Variants in DNAH12 observed in about 807,000 individuals in gnomAD.
The protein encoded by DNAH12 is axonemal beta dynein heavy chain 12.
DNAH12 carries 285 observed loss-of-function variants against 371.5 expected under a neutral mutation model. That is an observed-to-expected ratio of 0.77 (90% CI 0.70 to 0.85). The LOEUF is 0.85. Ranked by LOEUF, DNAH12 falls within the 40% of genes least tolerant of loss-of-function variation. The pLI, the probability that DNAH12 is intolerant of heterozygous loss-of-function variation, is 0.00. For synonymous variants in DNAH12, 1,200 were observed against 1,213.0 expected (o/e 0.99, Z 0.22); for missense variants, 3,611 against 3,689.4 (o/e 0.98, Z 0.55).
chr3:57,457,335 C>G (rs1438427548), intron 22 of DNAH12, among the ~76,000 whole-genome samples: 2 of 151,840 alleles, frequency 1.3e-5, no homozygotes, highest in Non-Finnish European at 2.9e-5. Context: ...TCTCCCAAAT[C>G]CCCAGTTCTC....
intron 2 of DNAH12, among the ~76,000 whole-genome samples, chr3:57,524,642 G>A (rs554357113): frequency 3.6e-4 from 54 of 151,960 alleles, no homozygotes; most frequent in Non-Finnish European, 6.5e-4. Context: ...TTCAGAGAGG[G>A]GACAAGTTAG....
At position 57,384,933 on chromosome 3, in the gene DNAH12, C is replaced by G. The variant is rs2063471774; in HGVS notation, c.7756G>C (p.Gly2586Arg). The change falls in exon 49 of 74, where the codon GGG becomes CGG. Residue 2586 changes from glycine to arginine, a missense_variant. Gly to Arg is a moderately radical substitution (Grantham distance 125, BLOSUM62 -2). Around this residue, in one of 3 missense-constraint regions of DNAH12, gnomAD observed 2,266 missense variants for 2,236.9 expected, o/e 1.01. Transcript: ENST00000495027. ...AGAGCTTGGGCTTCTTCAGCTTTCC[C>G]ACTGGCTATCTCTTCATCCAATTTC... ...FVKLDEEIAS[G>R]KAEEAQALKN... The G allele has an allele frequency of 6.6e-6, 1 of 152,206 alleles. No individual in the cohort carries two copies. The highest frequency in any genetic ancestry group is 2.4e-5 in the African/African-American group (1 of 41,438). The allele number at this position is 152,206 out of a possible 1,614,324, so 9.4% of individuals were successfully genotyped here.
At chr3:57,339,166 T>C (rs1553655190) in intron 60 of DNAH12, among the ~76,000 whole-genome samples, 1 of 152,154 alleles carries the variant, frequency 6.6e-6, no homozygotes, top group African/African-American at 2.4e-5. Context: ...GTTAAACAGA[T>C]GCTTGAAGGC....
intron 43 of DNAH12, among the ~76,000 whole-genome samples, chr3:57,397,846 G>T (rs990642812): frequency 1.3e-5 from 2 of 152,222 alleles, no homozygotes; most frequent in Non-Finnish European, 2.9e-5. Flanking sequence ...TGATTGGGAG[G>T]GGTGGCTGTA....
intron 58 of DNAH12, among the ~76,000 whole-genome samples, chr3:57,360,404 T>C (rs1327674268): frequency 6.6e-6 from 1 of 152,144 alleles, no homozygotes; most frequent in Admixed American, 6.6e-5. Context: ...AAGTCCTCTG[T>C]CCAGCCAGGC....
chr3:57,446,314 G>A, intron 26 of DNAH12, 44 bp from the exon 27 acceptor site: 1 of 1,522,710 alleles, frequency 6.6e-7, no homozygotes, highest in East Asian at 2.5e-5. Flanking sequence ...CTCAGGAAAG[G>A]ATATCATCTC....
intron 2 of DNAH12, among the ~76,000 whole-genome samples, chr3:57,537,086 C>T (rs1292866875): frequency 1.3e-5 from 2 of 151,166 alleles, no homozygotes; most frequent in African/African-American, 4.9e-5. Flanking sequence ...CCCAGCTACT[C>T]AGGAGGCTGA....
chr3:57,323,753 C>T, intron 62 of DNAH12, 134 bp from the exon 63 acceptor site: 1 of 900,108 alleles, frequency 1.1e-6, no homozygotes, highest in South Asian at 2.9e-5. Flanking sequence ...ATAGACAAAG[C>T]ACTAATTTCT....
At chr3:57,453,952 A>T (rs1410575446) in intron 23 of DNAH12, among the ~76,000 whole-genome samples, 2 of 151,956 alleles carry the variant, frequency 1.3e-5, no homozygotes, top group Non-Finnish European at 1.5e-5. Flanking sequence ...CTATAAAAAA[A>T]TTTTTAAATT....
At chr3:57,402,320 T>TC in intron 43 of DNAH12, 1 of 1,118,670 alleles carries the variant, frequency 8.9e-7, no homozygotes, top group Non-Finnish European at 1.2e-6. Flanking sequence ...CTTTTTTTTT[T>TC]CCACTTTGTA....
chr3:57,474,938 T>C (rs997734978), intron 13 of DNAH12, among the ~76,000 whole-genome samples: 4 of 151,118 alleles, frequency 2.6e-5, no homozygotes, highest in African/African-American at 4.9e-5. Flanking sequence ...ATCGCGCCAT[T>C]GCACTCCAGC....
chr3:57,355,445 G>A (rs1031770144), intron 59 of DNAH12, among the ~76,000 whole-genome samples: 1 of 149,514 alleles, frequency 6.7e-6, no homozygotes, highest in African/African-American at 2.4e-5. Flanking sequence ...GTTGAAGGGG[G>A]GAAAACTAAC....
At chr3:57,301,677 TACACACACACACACACACACACACAC>T (rs57748737) in intron 70 of DNAH12, 32 bp downstream of exon 70, 350 of 1,152,476 alleles carry the variant, frequency 3.0e-4, no homozygotes, top group African/African-American at 2.1e-3. Context: ...ACATGTATTT[TACACACACACACACACACACACACAC>T]ACACACACAC....
rs2061858947 is a variant in DNAH12 at position 57,323,542 on chromosome 3, T to G, written c.10056A>C (p.Thr3352=). 1 of 1,551,152 alleles carries G rather than the reference T, an allele frequency of 6.4e-7. No homozygotes were observed. Among genetic ancestry groups the G allele is most frequent in the Non-Finnish European group, 8.7e-7 (1 of 1,146,826 alleles). Reference sequence around the variant, plus strand: ...TGCAATTTGAATCCAAGTAACTCTTTGTCAAATCAAATGGTGGAGGCTCTA... The same window carrying G: ...TGCAATTTGAATCCAAGTAACTCTTGGTCAAATCAAATGGTGGAGGCTCTA... ...KFVEPPPFDL[T]KSYLDSNCTI... Residue 3352 remains threonine (T), a synonymous_variant, in exon 63 of 74, where the codon ACA becomes ACC. Transcript: ENST00000495027.
intron 66 of DNAH12, among the ~76,000 whole-genome samples, chr3:57,311,850 A>T (rs1393358397): frequency 6.6e-6 from 1 of 152,250 alleles, no homozygotes; most frequent in Non-Finnish European, 1.5e-5. Context: ...CTGGCAATAC[A>T]TATCATTTCT....
At chr3:57,551,189 G>C in the DNAH12 span, among the ~76,000 whole-genome samples, 13 of 151,382 alleles carry the variant, frequency 8.6e-5, no homozygotes, top group African/African-American at 3.2e-4. Flanking sequence ...TTAAACAAAA[G>C]CACATATACT....
chr3:57,379,771 G>A (rs2063348482), intron 51 of DNAH12, among the ~76,000 whole-genome samples: 1 of 148,124 alleles, frequency 6.8e-6, no homozygotes, highest in Non-Finnish European at 1.5e-5. Flanking sequence ...AACCTAGGAG[G>A]TGGAGGTTGC....
chr3:57,300,909 G>A (rs1207491586), intron 70 of DNAH12, among the ~76,000 whole-genome samples: 1 of 152,060 alleles, frequency 6.6e-6, no homozygotes, highest in Non-Finnish European at 1.5e-5. Context: ...TCTGTCTGAT[G>A]TTTATGCTGG....
chr3:57,364,849 C>T (rs1238493955), intron 57 of DNAH12, among the ~76,000 whole-genome samples: 1 of 152,180 alleles, frequency 6.6e-6, no homozygotes, highest in Non-Finnish European at 1.5e-5. Context: ...ATGTGGCCAA[C>T]AAACATATGA....
Sources: allele counts gnomAD v4.1 joint callset (sites outside exome capture counted in the v4.1 genomes callset), GRCh38; gene constraint gnomAD v4.1.1; regional missense constraint gnomAD v4.1.1; transcripts MANE v1.5; gene names NCBI Gene and HGNC (gene_info 2026-07-23, HGNC 2026-07-21).